CPNE4: variants seen among roughly 807,000 people sequenced by gnomAD.
CPNE4 encodes the protein copine-4.
Under a neutral mutation model 67.9 loss-of-function variants are expected in CPNE4, and 25 were observed. The ratio of observed to expected loss-of-function variants is 0.37; its 90% CI spans 0.27 to 0.51. The LOEUF (loss-of-function observed/expected upper bound fraction) is 0.51. Ranked by LOEUF, CPNE4 falls within the 20% of genes least tolerant of loss-of-function variation. CPNE4 has a pLI of 0.93. For missense variants in CPNE4, 464 were observed against 690.8 expected (o/e 0.67, Z 3.68); for synonymous variants, 242 against 244.9 (o/e 0.99, Z 0.11).
intron 2 of CPNE4, among the ~76,000 whole-genome samples, chr3:131,743,230 C>T (rs1265893989): frequency 1.3e-5 from 2 of 152,232 alleles, no homozygotes; most frequent in African/African-American, 4.8e-5. Flanking sequence ...ATCTAACAGG[C>T]AGTGGGAAAC....
chr3:131,658,788 T>C (rs1235377767), intron 7 of CPNE4, among the ~76,000 whole-genome samples: 1 of 152,220 alleles, frequency 6.6e-6, no homozygotes, highest in Admixed American at 6.5e-5. Flanking sequence ...ATCTTCTTCC[T>C]AAGAGACAGG....
At chr3:132,036,865 G>A (rs1007932668), upstream of CPNE4, among the ~76,000 whole-genome samples, 2 of 152,188 alleles carry the variant, frequency 1.3e-5, no homozygotes, top group African/African-American at 4.8e-5. Flanking sequence ...GAATTAAGAT[G>A]TGCTGAGCAT....
chr3:131,632,563 T>C (rs895225672), intron 7 of CPNE4, among the ~76,000 whole-genome samples: 9 of 152,198 alleles, frequency 5.9e-5, no homozygotes, highest in African/African-American at 1.4e-4. Context: ...ATCAACAGCA[T>C]TGACAAGGCT....
At chr3:131,693,720 G>T (rs1282386779) in intron 5 of CPNE4, among the ~76,000 whole-genome samples, 1 of 150,276 alleles carries the variant, frequency 6.7e-6, no homozygotes, top group Non-Finnish European at 1.5e-5. Flanking sequence ...TTGGAGGACT[G>T]CTGCCTGACC....
intron 7 of CPNE4, among the ~76,000 whole-genome samples, chr3:131,643,715 G>A (rs559093883): frequency 6.6e-6 from 1 of 152,166 alleles, no homozygotes; most frequent in Non-Finnish European, 1.5e-5. Context: ...GGGACCTGGT[G>A]GGAGATAATT....
At chr3:131,706,883 C>G (rs1323013004) in intron 3 of CPNE4, among the ~76,000 whole-genome samples, 1 of 152,128 alleles carries the variant, frequency 6.6e-6, no homozygotes, top group Non-Finnish European at 1.5e-5. Flanking sequence ...TCTATGATCC[C>G]AATGCCCCCC....
At chr3:131,980,105 C>A (rs969107357) in intron 1 of CPNE4, among the ~76,000 whole-genome samples, 1 of 152,014 alleles carries the variant, frequency 6.6e-6, no homozygotes, top group African/African-American at 2.4e-5. Flanking sequence ...TTACCTGGTC[C>A]TTCTCTCTCA....
At chr3:131,978,796 G>C (rs2107633737) in intron 1 of CPNE4, among the ~76,000 whole-genome samples, 1 of 151,250 alleles carries the variant, frequency 6.6e-6, no homozygotes, top group East Asian at 2.0e-4. Context: ...GTGTCGGTCT[G>C]TGCTCTTTAA....
chr3:131,784,035 C>A (rs1177272821), intron 2 of CPNE4, among the ~76,000 whole-genome samples: 3 of 152,060 alleles, frequency 2.0e-5, no homozygotes, highest in Admixed American at 1.3e-4. Flanking sequence ...AGCAAATATA[C>A]AATATAGTTT....
chr3:131,825,693 T>G (rs1387690084), intron 2 of CPNE4, among the ~76,000 whole-genome samples: 1 of 152,162 alleles, frequency 6.6e-6, no homozygotes, highest in Non-Finnish European at 1.5e-5. Flanking sequence ...ATGAAATTTA[T>G]AAAAGCCTTA....
chr3:132,028,840 G>A (rs1583619393), intron 1 of CPNE4, among the ~76,000 whole-genome samples: 1 of 143,136 alleles, frequency 7.0e-6, no homozygotes, highest in Non-Finnish European at 1.5e-5. Context: ...AGAAAAAAAA[G>A]AATGTAAAAT....
intron 7 of CPNE4, among the ~76,000 whole-genome samples, chr3:131,599,534 A>T (rs879303171): frequency 2.0e-5 from 3 of 152,216 alleles, no homozygotes; most frequent in East Asian, 3.9e-4. Flanking sequence ...CAGAGGGTAG[A>T]CCCTATAAGA....
intron 3 of CPNE4, among the ~76,000 whole-genome samples, chr3:131,722,261 G>T (rs1157451561): frequency 1.3e-5 from 2 of 152,058 alleles, no homozygotes; most frequent in East Asian, 3.9e-4. Context: ...CCCAGATTTT[G>T]TGGGTCTTAA....
At position 131,754,225 on chromosome 3, in the gene CPNE4, C is replaced by G. The variant is rs1435974157; in HGVS notation, c.181-30600G>C. Among the ~76,000 whole-genome samples, 4 of 151,888 alleles carry G rather than the reference C, an allele frequency of 2.6e-5. No homozygotes were observed. In the East Asian group the frequency reaches 5.8e-4, roughly 22 times the overall value. On this transcript the variant is annotated intron_variant, in intron 2 of 15. Coordinates refer to ENST00000429747, the MANE Select transcript of CPNE4 (RefSeq NM_130808.3). ...CATCATATAAATCAATGACCAGTGTCCATATTATTTTGTGTGTCAATATCT... is the reference window on the plus strand; with the variant it reads ...CATCATATAAATCAATGACCAGTGTGCATATTATTTTGTGTGTCAATATCT...
At chr3:131,887,371 T>C (rs575459344) in intron 2 of CPNE4, among the ~76,000 whole-genome samples, 11 of 152,328 alleles carry the variant, frequency 7.2e-5, no homozygotes, top group African/African-American at 2.6e-4. Flanking sequence ...CTCTTTCTTT[T>C]GTAAATTGCC....
At chr3:131,792,944 C>T (rs2083817800) in intron 2 of CPNE4, among the ~76,000 whole-genome samples, 1 of 119,368 alleles carries the variant, frequency 8.4e-6, no homozygotes, top group South Asian at 2.6e-4. Flanking sequence ...ACAAAACATG[C>T]CAAAACCAGA....
At chr3:131,818,005 A>G (rs80006358) in intron 2 of CPNE4, among the ~76,000 whole-genome samples, 233 of 152,284 alleles carry the variant, frequency 1.5e-3, no homozygotes, top group Non-Finnish European at 2.4e-3. Context: ...GCTTGGTGCA[A>G]TTTCAACCAC....
intron 1 of CPNE4, among the ~76,000 whole-genome samples, chr3:132,008,953 A>T (rs1051499122): frequency 6.6e-6 from 1 of 152,164 alleles, no homozygotes; most frequent in Admixed American, 6.5e-5. Context: ...AGCAGCCTTA[A>T]AACCTGCTCT....
At chr3:131,980,780 CATATTA>C (rs1462854250) in intron 1 of CPNE4, among the ~76,000 whole-genome samples, 1 of 152,062 alleles carries the variant, frequency 6.6e-6, no homozygotes, top group Non-Finnish European at 1.5e-5. Context: ...CTTGTTTTGT[CATATTA>C]CCACGGTTTT....
Sources: allele counts gnomAD v4.1 joint callset (sites outside exome capture counted in the v4.1 genomes callset), GRCh38; gene constraint gnomAD v4.1.1; transcripts MANE v1.5; gene names NCBI Gene and HGNC (gene_info 2026-07-23, HGNC 2026-07-21).